Variants in OXNAD1 observed in about 807,000 individuals in gnomAD.
OXNAD1 encodes oxidoreductase NAD binding domain containing 1, also known as oxidoreductase NAD-binding domain-containing protein 1.
A neutral mutation model predicts 32.9 loss-of-function variants in OXNAD1; 34 were observed. The observed-to-expected ratio is 1.03, with a 90% CI of 0.79 to 1.38. The LOEUF is 1.38. Ranked by LOEUF, OXNAD1 falls within the 40% of genes most tolerant of loss-of-function variation. The pLI is 0.00. For synonymous variants in OXNAD1, 134 were observed against 135.2 expected (o/e 0.99, Z 0.06); for missense variants, 407 against 379.4 (o/e 1.07, Z -0.60).
At position 16,284,868 on chromosome 3, in the gene OXNAD1, A is replaced by G. The variant is rs1331189533; in HGVS notation, c.184-1474A>G. ...TGTTAACAGCCATATTCTGCTGCTT[A>G]CTTTATTTTGTTGCTGAATTGCTTT... On this transcript the variant is annotated intron_variant, in intron 4 of 8. Coordinates refer to ENST00000285083, the MANE Select transcript of OXNAD1 (RefSeq NM_138381.5). The surrounding 1 kb of genome is among the most constrained non-coding windows in gnomAD (Gnocchi z 4.1). Among the ~76,000 whole-genome samples the G allele has an allele frequency of 6.6e-6, 1 of 152,232 alleles. No homozygotes were observed. The highest frequency in any genetic ancestry group is 1.5e-5 in the Non-Finnish European group (1 of 68,036).
At chr3:16,324,590 T>C in intron 9 of OXNAD1, among the ~76,000 whole-genome samples, 1 of 143,484 alleles carries the variant, frequency 7.0e-6, no homozygotes, top group African/African-American at 2.7e-5. Flanking sequence ...CTCATCCTTG[T>C]AATAAATAAC....
chr3:16,333,380 A>G (rs1456867169), intron 9 of OXNAD1, among the ~76,000 whole-genome samples: 22 of 152,258 alleles, frequency 1.4e-4, no homozygotes, highest in Admixed American at 1.4e-3. Flanking sequence ...TGGCCACAAA[A>G]TGCCATTTGT....
rs2068220038 is a variant in OXNAD1 at position 16,314,783 on chromosome 3, T to C, written c.*30+11191T>C. The C allele has an allele frequency of 6.6e-6, 1 of 152,240 alleles. No individual in the cohort carries two copies. The highest frequency in any genetic ancestry group is 1.5e-5 in the Non-Finnish European group (1 of 68,036). 9.4% of individuals were successfully genotyped at this position (152,240 alleles called of 1,614,324 possible). On this transcript the variant is annotated intron_variant, in intron 9 of 9. Transcript: ENST00000435829. This position sits in a 1 kb window ranked among gnomAD's most constrained non-coding sequence, Gnocchi z 4.4. ...AAAATGTACCCAAAGCTGAGCAATG[T>C]AAGGCCCTCTAGCCTGGAACCGTTT...
rs2064757714 is a variant in OXNAD1, at chr3:16,269,123, C to G, written c.-158-3C>G. ...TTGTTATATGTTGTTTGTGCCATTG[C>G]AGGAACTTTGTGAGAATTTTAATGC... On this transcript the variant is annotated splice_region_variant and splice_polypyrimidine_tract_variant and intron_variant, in intron 1 of 8. Transcript: ENST00000285083. The G allele has an allele frequency of 5.4e-6, 8 of 1,475,118 alleles. 1 individual carries two copies. The South Asian group carries it at 1.1e-4, about 20-fold the overall frequency. 91.4% of individuals were successfully genotyped at this position (1,475,118 alleles called of 1,614,324 possible).
intron 9 of OXNAD1, among the ~76,000 whole-genome samples, chr3:16,343,689 A>G (rs1385177551): frequency 6.6e-6 from 1 of 152,206 alleles, no homozygotes; most frequent in African/African-American, 2.4e-5. Context: ...CTAACCTCAT[A>G]TTATCCAATT....
chr3:16,306,940 T>C (rs2067603486), downstream of OXNAD1, among the ~76,000 whole-genome samples: 1 of 152,254 alleles, frequency 6.6e-6, no homozygotes, highest in South Asian at 2.1e-4. Context: ...TTTCACCTAA[T>C]TGTTTTAGCA....
In OXNAD1 at chr3:16,317,765, G is replaced by T. The variant is rs1198416689; in HGVS notation, c.*30+14173G>T. Reference sequence around the variant, plus strand: ...ACAGGACTGGCGGGCCCGCTCCCCAGCTAGGCCGATAGCCCTTTGCTGACC... The same window carrying T: ...ACAGGACTGGCGGGCCCGCTCCCCATCTAGGCCGATAGCCCTTTGCTGACC... On this transcript the variant is annotated intron_variant, in intron 9 of 9. Coordinates refer to the OXNAD1 transcript ENST00000435829. The surrounding 1 kb of genome is among the most constrained non-coding windows in gnomAD (Gnocchi z 4.3). Among the ~76,000 whole-genome samples the T allele has an allele frequency of 1.4e-5, 2 of 139,254 alleles. No homozygotes were observed. Among genetic ancestry groups the T allele is most frequent in the Non-Finnish European group, 3.0e-5 (2 of 66,460 alleles). 91.4% of individuals were successfully genotyped at this position (139,254 alleles called of 152,430 possible). A position where few individuals can be genotyped will look rare whatever the true frequency, so the allele number is the denominator to read the frequency against.
downstream of OXNAD1, chr3:16,339,732 G>A (rs996047627): frequency 2.6e-5 from 4 of 152,170 alleles, no homozygotes; most frequent in Admixed American, 2.0e-4. Context: ...TTGGTGCTTC[G>A]TTTTTCTGCC....
At chr3:16,315,915 T>G (rs200363069) in intron 9 of OXNAD1, 1 of 152,222 alleles carries the variant, frequency 6.6e-6, no homozygotes, top group Non-Finnish European at 1.5e-5. Flanking sequence ...AGGCTGTGGG[T>G]TTGGTCAAGA....
At chr3:16,275,177 T>C (rs750600930) in intron 4 of OXNAD1, 1 of 169,674 alleles carries the variant, frequency 5.9e-6, no homozygotes, top group Non-Finnish European at 1.4e-5. Flanking sequence ...AGTCTACCTA[T>C]AGTTTGTTGT....
chr3:16,309,142 T>C (rs2067778784), downstream of OXNAD1, among the ~76,000 whole-genome samples: 2 of 151,634 alleles, frequency 1.3e-5, no homozygotes, highest in Non-Finnish European at 2.9e-5. Context: ...TGTCTCTCTT[T>C]CTTTTAATAC....
At chr3:16,281,973 C>T (rs1489724238) in intron 4 of OXNAD1, among the ~76,000 whole-genome samples, 1 of 146,858 alleles carries the variant, frequency 6.8e-6, no homozygotes, top group African/African-American at 2.5e-5. Context: ...AAGTGATCCT[C>T]CCACCTCAGC....
At position 16,292,505 on chromosome 3, in the gene OXNAD1, T is replaced by C. The variant is rs79592720; in HGVS notation, c.291-2351T>C. 0.011 allele frequency among the ~76,000 whole-genome samples: 1,645 copies of C among 152,314 alleles called. 68 individuals are homozygous for C. In the East Asian group the frequency reaches 0.11, roughly 10 times the overall value. On this transcript the variant is annotated intron_variant, in intron 5 of 8. Transcript: ENST00000285083. The stretch of plus-strand genomic sequence containing the variant: ...GCCACTGTGCCTGGCCCTGACTTTC[T>C]TGATGATAACATTTGTAGCACAGAG...
Position 16,301,507 on chromosome 3 carries a change from T to A in OXNAD1, c.433-119T>A. 1 of 1,228,814 alleles carries A rather than the reference T, an allele frequency of 8.1e-7. No individual in the cohort carries two copies. Among genetic ancestry groups the A allele is most frequent in the Non-Finnish European group, 1.1e-6 (1 of 889,844 alleles). The allele number at this position is 1,228,814 out of a possible 1,614,324, so 76.1% of individuals were successfully genotyped here. On this transcript the variant is annotated intron_variant, in intron 6 of 8. Coordinates refer to ENST00000285083, the MANE Select transcript of OXNAD1 (RefSeq NM_138381.5). This position sits in a 1 kb window ranked among gnomAD's most constrained non-coding sequence, Gnocchi z 4.1. ...GGCATCGGGAAAATTGGGAGCAAGCTATAAAAATAGTCTTAAATACTGATA... is the reference window on the plus strand; with the variant it reads ...GGCATCGGGAAAATTGGGAGCAAGCAATAAAAATAGTCTTAAATACTGATA...
chr3:16,348,647 G>A lies in OXNAD1; in HGVS notation c.*31-529G>A, dbSNP rs2071893152. Among the ~76,000 whole-genome samples the A allele has an allele frequency of 6.6e-6, 1 of 152,160 alleles. No individual in the cohort carries two copies. The highest frequency in any genetic ancestry group is 2.4e-5 in the African/African-American group (1 of 41,430). On this transcript the variant is annotated intron_variant, in intron 9 of 9. Coordinates refer to the OXNAD1 transcript ENST00000606098. The surrounding 1 kb of genome is among the most constrained non-coding windows in gnomAD (Gnocchi z 6.3). ...CTTGATGTGTGGGGCCTCAGCAAAT[G>A]CCCCTTTGCATCCTTGTTCCTGGGC...
rs542224220 is a variant in OXNAD1 at position 16,334,158 on chromosome 3, C to G, written c.*31-2954C>G. ...CCAGCCTGGGCGACAGAGCAAGACT[C>G]TGTCTCAAAACAAAAACAAAAACAA... On this transcript the variant is annotated intron_variant, in intron 9 of 9. Coordinates refer to the OXNAD1 transcript ENST00000435829. This position sits in a 1 kb window ranked among gnomAD's most constrained non-coding sequence, Gnocchi z 4.3. Among the ~76,000 whole-genome samples the G allele has an allele frequency of 1.3e-5, 2 of 152,274 alleles. No individual in the cohort carries two copies. The highest frequency in any genetic ancestry group is 4.1e-4 in the South Asian group (2 of 4,828).
At chr3:16,267,890 T>TTA (rs1290750860) in intron 1 of OXNAD1, among the ~76,000 whole-genome samples, 1 of 152,246 alleles carries the variant, frequency 6.6e-6, no homozygotes, top group Non-Finnish European at 1.5e-5. Flanking sequence ...TCTTAAATGT[T>TTA]AAATTTAATC....
chr3:16,267,771 C>G (rs1350099163), intron 1 of OXNAD1, among the ~76,000 whole-genome samples: 1 of 152,198 alleles, frequency 6.6e-6, no homozygotes, highest in Non-Finnish European at 1.5e-5. Flanking sequence ...ATGGCAAGGG[C>G]CTTGCGTCTG....
intron 5 of OXNAD1, among the ~76,000 whole-genome samples, chr3:16,286,781 T>G (rs969971726): frequency 1.3e-5 from 2 of 152,202 alleles, no homozygotes; most frequent in African/African-American, 2.4e-5. Context: ...AGAATGCACT[T>G]CAGTAATCTA....
Sources: allele counts gnomAD v4.1 joint callset (sites outside exome capture counted in the v4.1 genomes callset), GRCh38; gene constraint gnomAD v4.1.1; non-coding constraint Gnocchi (gnomAD v3.1); transcripts MANE v1.5; gene names NCBI Gene and HGNC (gene_info 2026-07-23, HGNC 2026-07-21).